KIRREL3: variants seen among roughly 807,000 people sequenced by gnomAD.
KIRREL3 encodes the protein kirre like nephrin family adhesion molecule 3, also known as kin of IRRE-like protein 3.
KIRREL3 carries 36 observed loss-of-function variants against 89.7 expected under a neutral mutation model. The observed-to-expected ratio is 0.40, with a 90% CI of 0.31 to 0.53. The LOEUF (loss-of-function observed/expected upper bound fraction) is 0.53. Ranked by LOEUF, KIRREL3 falls within the 20% of genes least tolerant of loss-of-function variation. KIRREL3 has a pLI of 0.49. For synonymous variants in KIRREL3, 445 were observed against 441.4 expected (o/e 1.01, Z -0.10); for missense variants, 864 against 1,056.6 (o/e 0.82, Z 2.53).
chr11:126,666,924 C>G lies in KIRREL3; in HGVS notation c.56-104012G>C, dbSNP rs1794184779. On this transcript the variant is annotated intron_variant, in intron 1 of 16. Transcript: ENST00000525144. The surrounding 1 kb of genome is among the most constrained non-coding windows in gnomAD (Gnocchi z 4.2). ...AGGGCTTAGCCAACAGTCTCAGGGT[C>G]AGCATTTCCTAGTCCTACAAGATTC... Among the ~76,000 whole-genome samples, 1 of 152,174 alleles carries G rather than the reference C, an allele frequency of 6.6e-6. No individual in the cohort carries two copies. Among genetic ancestry groups the G allele is most frequent in the Non-Finnish European group, 1.5e-5 (1 of 68,038 alleles).
intron 1 of KIRREL3, among the ~76,000 whole-genome samples, chr11:126,911,303 C>G (rs962436049): frequency 6.6e-6 from 1 of 152,184 alleles, no homozygotes; most frequent in African/African-American, 2.4e-5. Context: ...AAAACAGTTT[C>G]CCACCCTGAA....
chr11:126,875,981 G>T (rs956858651), intron 1 of KIRREL3, among the ~76,000 whole-genome samples: 1 of 152,206 alleles, frequency 6.6e-6, no homozygotes. Context: ...AGGTGAAACC[G>T]AAATTGAATC....
intron 11 of KIRREL3, among the ~76,000 whole-genome samples, chr11:126,439,618 A>G (rs993938185): frequency 6.6e-6 from 1 of 150,922 alleles, no homozygotes; most frequent in African/African-American, 2.4e-5. Context: ...GGAGTTTGAG[A>G]CCAGCCTGAC....
At chr11:126,536,283 G>GTA (rs201319506) in intron 2 of KIRREL3, among the ~76,000 whole-genome samples, 3 of 149,532 alleles carry the variant, frequency 2.0e-5, no homozygotes, top group East Asian at 3.9e-4. Flanking sequence ...GTGTGTGTGT[G>GTA]TATCGGATAG....
Position 126,750,247 on chromosome 11 carries a change from C to T in KIRREL3, c.56-187335G>A, listed in dbSNP as rs56234229. 0.18 allele frequency among the ~76,000 whole-genome samples: 27,135 copies of T among 152,098 alleles called. 2,562 individuals carry two copies. Among genetic ancestry groups the T allele is most frequent in the African/African-American group, 0.22 (9,119 of 41,466 alleles). ...AACTTGGGGCCTTTATTTCTCAGTT[C>T]GGGACTTCTACTATGGTACTTCCTT... On this transcript the variant is annotated intron_variant, in intron 1 of 16. Coordinates refer to ENST00000525144, the MANE Select transcript of KIRREL3 (RefSeq NM_032531.4). The surrounding 1 kb of genome is among the most constrained non-coding windows in gnomAD (Gnocchi z 4.2).
Position 126,689,266 on chromosome 11 carries a change from G to A in KIRREL3, c.56-126354C>T, listed in dbSNP as rs1946788756. On this transcript the variant is annotated intron_variant, in intron 1 of 16. Transcript: ENST00000525144. The surrounding 1 kb of genome is among the most constrained non-coding windows in gnomAD (Gnocchi z 5.2). ...AATACCTTCTCCCAGTGGCTTGTGA[G>A]ATTAAGATTTGGTATTGGAATTTGT... Among the ~76,000 whole-genome samples, 1 of 152,172 alleles carries A rather than the reference G, an allele frequency of 6.6e-6. No homozygotes were observed. The highest frequency in any genetic ancestry group is 2.1e-4 in the South Asian group (1 of 4,826).
chr11:126,789,189 G>T (rs1396560807), intron 1 of KIRREL3, among the ~76,000 whole-genome samples: 3 of 152,146 alleles, frequency 2.0e-5, no homozygotes, highest in Non-Finnish European at 2.9e-5. Context: ...TAATGCAGGT[G>T]TGCTAAATGT....
chr11:126,582,823 C>T (rs1043843005), intron 1 of KIRREL3, among the ~76,000 whole-genome samples: 23 of 152,202 alleles, frequency 1.5e-4, no homozygotes, highest in African/African-American at 5.5e-4. Context: ...TGAAGAAGTA[C>T]TAAAGAAGTA....
chr11:126,452,083 A>G (rs1956199126), intron 7 of KIRREL3, among the ~76,000 whole-genome samples: 1 of 151,994 alleles, frequency 6.6e-6, no homozygotes, highest in African/African-American at 2.4e-5. Flanking sequence ...GCCCCGAGAG[A>G]CGACTGTTTC....
intron 1 of KIRREL3, among the ~76,000 whole-genome samples, chr11:126,836,520 A>G (rs938530744): frequency 2.6e-5 from 4 of 152,210 alleles, no homozygotes; most frequent in African/African-American, 9.6e-5. Context: ...TGTATTGACA[A>G]TCTGGTTAAA....
chr11:126,431,240 G>T lies in KIRREL3; in HGVS notation c.1696+179C>A. Reference sequence around the variant, plus strand: ...CTCAGCCTAGCGCCCACTCTGCCAGGCGCCATGTTGCCCAGGCTCACATAC... The same window carrying T: ...CTCAGCCTAGCGCCCACTCTGCCAGTCGCCATGTTGCCCAGGCTCACATAC... On this transcript the variant is annotated intron_variant, in intron 14 of 16. Coordinates refer to ENST00000525144, the MANE Select transcript of KIRREL3 (RefSeq NM_032531.4). This position sits in a 1 kb window ranked among gnomAD's most constrained non-coding sequence, Gnocchi z 7.1. 1.3e-6 allele frequency: 2 copies of T among 1,522,142 alleles called. No individual in the cohort carries two copies. The highest frequency in any genetic ancestry group is 4.0e-5 in the Admixed American group (2 of 50,096). The allele number at this position is 1,522,142 out of a possible 1,614,324, so 94.3% of individuals were successfully genotyped here. A position where few individuals can be genotyped will look rare whatever the true frequency, so the allele number is the denominator to read the frequency against.
Position 126,513,326 on chromosome 11 carries a change from C to T in KIRREL3, c.433+7989G>A, listed in dbSNP as rs1958288659. On this transcript the variant is annotated intron_variant, in intron 4 of 16. Coordinates refer to ENST00000525144, the MANE Select transcript of KIRREL3 (RefSeq NM_032531.4). This position sits in a 1 kb window ranked among gnomAD's most constrained non-coding sequence, Gnocchi z 5.9. ...CCCAGATTTCAGTGGCGAGTGGGCA[C>T]TTGGATAGGCAGTGTCGAGCTTCTG... Among the ~76,000 whole-genome samples, 1 of 152,124 alleles carries T rather than the reference C, an allele frequency of 6.6e-6. No homozygotes were observed. The highest frequency in any genetic ancestry group is 2.1e-4 in the South Asian group (1 of 4,824).
In KIRREL3 at chr11:126,810,039, C is replaced by T. The variant is rs144566204; in HGVS notation, c.55+190416G>A. 3.0e-3 allele frequency among the ~76,000 whole-genome samples: 451 copies of T among 152,154 alleles called. 1 individual carries two copies. Among genetic ancestry groups the T allele is most frequent in the African/African-American group, 0.01 (422 of 41,494 alleles). On this transcript the variant is annotated intron_variant, in intron 1 of 16. Coordinates refer to ENST00000525144, the MANE Select transcript of KIRREL3 (RefSeq NM_032531.4). Reference sequence around the variant, plus strand: ...AGATGTCTCTCATTCTTAATGATGGCCCAATTTGGTTTGGGAAAGGCAGCG... The same window carrying T: ...AGATGTCTCTCATTCTTAATGATGGTCCAATTTGGTTTGGGAAAGGCAGCG...
At chr11:126,786,083 A>G (rs1950480282) in intron 1 of KIRREL3, among the ~76,000 whole-genome samples, 2 of 152,266 alleles carry the variant, frequency 1.3e-5, no homozygotes, top group South Asian at 4.1e-4. Context: ...AAAACAGCCT[A>G]AACATTCAAC....
In KIRREL3 at chr11:126,454,183, G is replaced by A. The variant is rs920211244; in HGVS notation, c.848+2166C>T. On this transcript the variant is annotated intron_variant, in intron 7 of 16. Coordinates refer to ENST00000525144, the MANE Select transcript of KIRREL3 (RefSeq NM_032531.4). The surrounding 1 kb of genome is among the most constrained non-coding windows in gnomAD (Gnocchi z 5.8). ...CCACCTTCTTCTCTTTCCTATTATTGCTGTTCTGCTTTTTTGAGGTTGGTG... is the reference window on the plus strand; with the variant it reads ...CCACCTTCTTCTCTTTCCTATTATTACTGTTCTGCTTTTTTGAGGTTGGTG... 2.6e-5 allele frequency among the ~76,000 whole-genome samples: 4 copies of A among 152,040 alleles called. No homozygotes were observed. Among genetic ancestry groups the A allele is most frequent in the Non-Finnish European group, 5.9e-5 (4 of 68,024 alleles).
At chr11:126,803,402 G>A (rs573718922) in intron 1 of KIRREL3, among the ~76,000 whole-genome samples, 2 of 152,066 alleles carry the variant, frequency 1.3e-5, no homozygotes, top group South Asian at 2.1e-4. Context: ...GTGCCTAGTC[G>A]CATGAGGACT....
At chr11:126,529,490 G>A (rs1293612703) in intron 2 of KIRREL3, among the ~76,000 whole-genome samples, 1 of 151,890 alleles carries the variant, frequency 6.6e-6, no homozygotes, top group Non-Finnish European at 1.5e-5. Context: ...TTGAGGGGGA[G>A]CATCTCCCGA....
At chr11:126,944,151 C>T (rs1409756868) in intron 1 of KIRREL3, among the ~76,000 whole-genome samples, 2 of 152,142 alleles carry the variant, frequency 1.3e-5, no homozygotes, top group African/African-American at 4.8e-5. Flanking sequence ...TCAGATTACA[C>T]CCTTTGGTCC....
At chr11:126,539,989 C>G (rs914356247) in intron 2 of KIRREL3, among the ~76,000 whole-genome samples, 4 of 152,172 alleles carry the variant, frequency 2.6e-5, no homozygotes, top group Non-Finnish European at 4.4e-5. Flanking sequence ...ACATCTAAAT[C>G]TTGTTGAGGT....
Sources: gnomAD v4.1 joint callset for allele counts (sites outside exome capture counted in the v4.1 genomes callset) on GRCh38, gnomAD v4.1.1 for gene constraint, Gnocchi (gnomAD v3.1) non-coding constraint, MANE v1.5 for transcripts, NCBI Gene and HGNC (gene_info 2026-07-23, HGNC 2026-07-21) for gene names.